The following CMSS1 variants were observed in gnomAD, a reference collection of about 807,000 sequenced individuals.
CMSS1 encodes protein CMSS1.
Under a neutral mutation model 43.5 loss-of-function variants are expected in CMSS1, and 33 were observed. That is an observed-to-expected ratio of 0.76 (90% CI 0.57 to 1.01). CMSS1 has a LOEUF of 1.01. CMSS1 is among the 50% of genes least tolerant of loss of function. The probability of loss-of-function intolerance (pLI) is 0.00; values close to 1 mark genes in which losing one functional copy is unlikely to be tolerated. For synonymous variants in CMSS1, 115 were observed against 117.2 expected (o/e 0.98, Z 0.12); for missense variants, 313 against 326.4 (o/e 0.96, Z 0.32).
chr3:99,843,159 T>G (rs765897064), intron 1 of CMSS1, among the ~76,000 whole-genome samples: 18 of 152,244 alleles, frequency 1.2e-4, no homozygotes, highest in Non-Finnish European at 2.1e-4. Flanking sequence ...GTCCTTTGTT[T>G]TGGTTCATCT....
chr3:100,156,944 C>T (rs2066981096), intron 2 of CMSS1, among the ~76,000 whole-genome samples: 1 of 152,072 alleles, frequency 6.6e-6, no homozygotes, highest in African/African-American at 2.4e-5. Flanking sequence ...GTTGTTGAGA[C>T]AGGGTCTCAC....
chr3:100,075,533 A>G (rs2065836261), intron 1 of CMSS1: 1 of 148,342 alleles, frequency 6.7e-6, no homozygotes, highest in East Asian at 1.9e-4. Context: ...TTTTTACTTC[A>G]TATCCCAATC....
chr3:99,975,992 C>G (rs552173008), intron 1 of CMSS1, among the ~76,000 whole-genome samples: 2 of 152,312 alleles, frequency 1.3e-5, no homozygotes, highest in Admixed American at 6.5e-5. Flanking sequence ...TCAAGCGATT[C>G]TCCTGCCTCA....
At chr3:99,937,063 A>G (rs1421024394) in intron 1 of CMSS1, among the ~76,000 whole-genome samples, 2 of 151,914 alleles carry the variant, frequency 1.3e-5, no homozygotes, top group Non-Finnish European at 2.9e-5. Context: ...TCAGCCTCCC[A>G]AGTAGCTGGG....
chr3:100,065,914 C>T (rs1453693664), intron 1 of CMSS1, among the ~76,000 whole-genome samples: 1 of 152,186 alleles, frequency 6.6e-6, no homozygotes, highest in Non-Finnish European at 1.5e-5. Flanking sequence ...AACAGCATCA[C>T]CTGGGGACTT....
chr3:99,930,026 G>A (rs370064657), intron 1 of CMSS1: 23 of 1,597,834 alleles, frequency 1.4e-5, no homozygotes, highest in Admixed American at 8.8e-5. Flanking sequence ...ACCTCATCTC[G>A]AGCCTGTAGG....
At chr3:100,118,474 A>G (rs1001083574) in intron 1 of CMSS1, among the ~76,000 whole-genome samples, 1 of 152,134 alleles carries the variant, frequency 6.6e-6, no homozygotes, top group Non-Finnish European at 1.5e-5. Context: ...TTTCACTTAC[A>G]GTTGTATTAG....
At chr3:100,086,617 A>G (rs937162296) in intron 1 of CMSS1, among the ~76,000 whole-genome samples, 10 of 152,226 alleles carry the variant, frequency 6.6e-5, no homozygotes, top group African/African-American at 2.4e-4. Flanking sequence ...GTGCCTTCCT[A>G]TGAATCATTG....
intron 1 of CMSS1, among the ~76,000 whole-genome samples, chr3:99,952,684 C>A (rs970124318): frequency 7.2e-5 from 11 of 152,254 alleles, no homozygotes; most frequent in Non-Finnish European, 1.3e-4. Flanking sequence ...TTTCCTCTTT[C>A]TACCCTATAT....
At chr3:100,051,352 A>G (rs959845462) in intron 1 of CMSS1, 10 of 151,920 alleles carry the variant, frequency 6.6e-5, no homozygotes, top group Non-Finnish European at 1.3e-4. Context: ...CCAATGGCTT[A>G]TATTTCTTTT....
chr3:99,879,938 C>A (rs975561804), intron 1 of CMSS1, among the ~76,000 whole-genome samples: 1 of 152,092 alleles, frequency 6.6e-6, no homozygotes, highest in Non-Finnish European at 1.5e-5. Flanking sequence ...GTTGGATTGG[C>A]CAGAATATGA....
chr3:99,959,123 A>G lies in CMSS1; in HGVS notation c.64+141080A>G, dbSNP rs1031588437. On this transcript the variant is annotated intron_variant, in intron 1 of 9. Transcript: ENST00000421999. Reference sequence around the variant, plus strand: ...AAAAAATTCATTGTGTAAATGTTCAAGTAGTTTCCATTTTTCCCAAACTTT... The same window carrying G: ...AAAAAATTCATTGTGTAAATGTTCAGGTAGTTTCCATTTTTCCCAAACTTT... 2.0e-5 allele frequency among the ~76,000 whole-genome samples: 3 copies of G among 152,302 alleles called. No individual in the cohort carries two copies. In the South Asian group the frequency reaches 6.2e-4, roughly 32 times the overall value.
At chr3:99,999,545 A>G (rs780542059) in intron 1 of CMSS1, among the ~76,000 whole-genome samples, 6 of 152,218 alleles carry the variant, frequency 3.9e-5, no homozygotes, top group Non-Finnish European at 8.8e-5. Flanking sequence ...CTTACACTGT[A>G]TAAGCTAAAT....
chr3:99,907,701 A>G (rs543241213), intron 1 of CMSS1, among the ~76,000 whole-genome samples: 15 of 152,000 alleles, frequency 9.9e-5, no homozygotes, highest in African/African-American at 3.6e-4. Flanking sequence ...CCCTTCCCTT[A>G]TGCTATTAAG....
In CMSS1 at chr3:100,147,042, C is replaced by T. The variant is rs1220350683; in HGVS notation, c.134C>T (p.Pro45Leu). 4.3e-6 allele frequency: 7 copies of T among 1,613,754 alleles called. No homozygotes were observed. The Admixed American group carries it at 5.0e-5, about 12-fold the overall frequency. ...MQQETVPVPV[P>L]SEKTKQPKEC... ...CAGGAGACAGTTCCAGTTCCTGTAC[C>T]TTCAGAGAAAACCAAACAGGTGAGG... Residue 45 changes from proline (P) to leucine (L), a missense_variant, in exon 2 of 10, where the codon CCT becomes CTT. Pro to Leu is a moderately conservative substitution (Grantham distance 98, BLOSUM62 -3). Coordinates refer to ENST00000421999, the MANE Select transcript of CMSS1 (RefSeq NM_032359.4).
intron 1 of CMSS1, among the ~76,000 whole-genome samples, chr3:99,901,087 A>G (rs182456532): frequency 1.3e-5 from 2 of 152,372 alleles, no homozygotes; most frequent in East Asian, 3.9e-4. Context: ...CCAAAGGATT[A>G]AACTGTATAC....
chr3:100,084,411 CTT>C (rs757398956), intron 1 of CMSS1, among the ~76,000 whole-genome samples: 10 of 152,114 alleles, frequency 6.6e-5, no homozygotes, highest in Non-Finnish European at 1.5e-4. Flanking sequence ...ATCAAGGCTG[CTT>C]GCAAATTCAC....
chr3:100,113,359 T>C (rs962516973), intron 1 of CMSS1, among the ~76,000 whole-genome samples: 5 of 152,202 alleles, frequency 3.3e-5, no homozygotes, highest in African/African-American at 1.2e-4. Context: ...TATATCCAGA[T>C]GTGATGTGCC....
intron 1 of CMSS1, among the ~76,000 whole-genome samples, chr3:99,888,898 G>A (rs1245575735): frequency 6.6e-6 from 1 of 152,018 alleles, no homozygotes; most frequent in African/African-American, 2.4e-5. Context: ...GTTTAGAATT[G>A]TGCTTCTTAA....
Sources: allele counts gnomAD v4.1 joint callset (sites outside exome capture counted in the v4.1 genomes callset), GRCh38; gene constraint gnomAD v4.1.1; transcripts MANE v1.5; gene names NCBI Gene and HGNC (gene_info 2026-07-23, HGNC 2026-07-21).